FBXL7: variants seen among roughly 807,000 people sequenced by gnomAD.
FBXL7 encodes F-box and leucine rich repeat protein 7, also known as F-box/LRR-repeat protein 7.
In FBXL7, 12 loss-of-function variants were observed where a neutral mutation model predicts 38.3. The observed-to-expected ratio is 0.31, with a 90% confidence interval of 0.20 to 0.51. The LOEUF is 0.51. FBXL7 is among the 20% of genes least tolerant of loss of function. The pLI is 0.98. For missense variants in FBXL7, 567 were observed against 676.4 expected (o/e 0.84, Z 1.79); for synonymous variants, 297 against 300.9 (o/e 0.99, Z 0.13).
chr5:15,640,949 C>G (rs533395667), intron 2 of FBXL7, among the ~76,000 whole-genome samples: 1 of 152,122 alleles, frequency 6.6e-6, no homozygotes, highest in Non-Finnish European at 1.5e-5. Flanking sequence ...AAGAGGAGCC[C>G]GTGTAGCTTA....
chr5:15,629,749 A>G (rs1740938174), intron 2 of FBXL7, among the ~76,000 whole-genome samples: 2 of 152,162 alleles, frequency 1.3e-5, no homozygotes, highest in Non-Finnish European at 2.9e-5. Flanking sequence ...AGTATTTGTC[A>G]TTTAATACAC....
chr5:15,840,618 C>T (rs2126783069), intron 2 of FBXL7, among the ~76,000 whole-genome samples: 1 of 152,038 alleles, frequency 6.6e-6, no homozygotes, highest in Admixed American at 6.6e-5. Flanking sequence ...GGAGGCCGAG[C>T]CAGGTGGATC....
chr5:15,560,414 A>G (rs569895278), intron 1 of FBXL7, among the ~76,000 whole-genome samples: 31 of 152,340 alleles, frequency 2.0e-4, no homozygotes, highest in Middle Eastern at 3.4e-3. Flanking sequence ...TCCCTCAACC[A>G]CTGCAAAAAG....
At chr5:15,733,198 A>G (rs992376554) in intron 2 of FBXL7, among the ~76,000 whole-genome samples, 7 of 151,978 alleles carry the variant, frequency 4.6e-5, no homozygotes, top group African/African-American at 1.7e-4. Flanking sequence ...GGTTCAATCA[A>G]TTATCTGCCT....
chr5:15,806,262 A>G (rs1737709515), intron 2 of FBXL7, among the ~76,000 whole-genome samples: 1 of 152,188 alleles, frequency 6.6e-6, no homozygotes, highest in Non-Finnish European at 1.5e-5. Context: ...CTTGAGACTC[A>G]TTTTATTTTA....
chr5:15,865,602 A>G (rs1021198381), intron 2 of FBXL7, among the ~76,000 whole-genome samples: 57 of 151,908 alleles, frequency 3.8e-4, no homozygotes, highest in African/African-American at 1.4e-3. Context: ...ATCCCTTTAC[A>G]TCTTCACTCA....
chr5:15,796,392 C>T (rs974351513), intron 2 of FBXL7, among the ~76,000 whole-genome samples: 3 of 152,132 alleles, frequency 2.0e-5, no homozygotes, highest in Non-Finnish European at 4.4e-5. Context: ...ATGGCTGCTT[C>T]TGCACTATGA....
At chr5:15,787,297 A>G (rs1258161729) in intron 2 of FBXL7, among the ~76,000 whole-genome samples, 1 of 152,258 alleles carries the variant, frequency 6.6e-6, no homozygotes, top group African/African-American at 2.4e-5. Context: ...CAAACTGCAC[A>G]TGCTGAAGTG....
At chr5:15,648,197 G>A (rs1342110874) in intron 2 of FBXL7, among the ~76,000 whole-genome samples, 1 of 152,118 alleles carries the variant, frequency 6.6e-6, no homozygotes, top group Non-Finnish European at 1.5e-5. Flanking sequence ...CACTAATATT[G>A]AACTCATTGA....
chr5:15,644,569 C>T (rs1741471544), intron 2 of FBXL7, among the ~76,000 whole-genome samples: 1 of 152,076 alleles, frequency 6.6e-6, no homozygotes, highest in Non-Finnish European at 1.5e-5. Flanking sequence ...GGTACTTATT[C>T]ATCACTTTTG....
At chr5:15,521,218 T>C (rs544236843) in intron 1 of FBXL7, among the ~76,000 whole-genome samples, 16 of 152,212 alleles carry the variant, frequency 1.1e-4, no homozygotes, top group Non-Finnish European at 1.9e-4. Context: ...AATGAATTAG[T>C]AAATACAAAG....
At chr5:15,652,266 T>G (rs1741735626) in intron 2 of FBXL7, among the ~76,000 whole-genome samples, 1 of 152,194 alleles carries the variant, frequency 6.6e-6, no homozygotes, top group Non-Finnish European at 1.5e-5. Context: ...TTAGTTTCCT[T>G]CAAGAACTTT....
At chr5:15,903,488 A>G (rs1246307462) in intron 2 of FBXL7, among the ~76,000 whole-genome samples, 1 of 152,226 alleles carries the variant, frequency 6.6e-6, no homozygotes, top group Non-Finnish European at 1.5e-5. Context: ...AAAAACAGAG[A>G]AGGAGTAGGG....
intron 2 of FBXL7, among the ~76,000 whole-genome samples, chr5:15,772,510 G>A (rs1171477782): frequency 6.6e-6 from 1 of 152,188 alleles, no homozygotes; most frequent in Non-Finnish European, 1.5e-5. Flanking sequence ...CATTGAAATA[G>A]CAAGGCTTTG....
chr5:15,811,792 A>G (rs1481053404), intron 2 of FBXL7, among the ~76,000 whole-genome samples: 1 of 152,192 alleles, frequency 6.6e-6, no homozygotes, highest in African/African-American at 2.4e-5. Flanking sequence ...ATGAGATACC[A>G]TCTCACACCA....
chr5:15,796,219 T>G (rs1040572611), intron 2 of FBXL7, among the ~76,000 whole-genome samples: 1 of 152,162 alleles, frequency 6.6e-6, no homozygotes, highest in East Asian at 1.9e-4. Context: ...TTCCAATAAA[T>G]AGCCAACAGG....
chr5:15,824,295 C>CAAA (rs57955989), intron 2 of FBXL7, among the ~76,000 whole-genome samples: 9 of 122,892 alleles, frequency 7.3e-5, no homozygotes, highest in Admixed American at 1.8e-4. Context: ...GACTCCGTCT[C>CAAA]AAAAAAAAAA....
At chr5:15,639,157 C>G (rs1741277271) in intron 2 of FBXL7, among the ~76,000 whole-genome samples, 1 of 152,168 alleles carries the variant, frequency 6.6e-6, no homozygotes, top group African/African-American at 2.4e-5. Context: ...CTTAGGTTCC[C>G]AAATTGCATA....
At position 15,500,625 on chromosome 5, in the gene FBXL7, T is replaced by C. The variant is rs1736462290; in HGVS notation, c.-52T>C. 1 of 1,612,636 alleles carries C rather than the reference T, an allele frequency of 6.2e-7. No homozygotes were observed. Among genetic ancestry groups the C allele is most frequent in the Non-Finnish European group, 8.5e-7 (1 of 1,179,022 alleles). ...TTCCTCGGGCCGAGCGCGCAGGACG[T>C]GCGCCGCAGCTATGGAGTGTCCCGG... On this transcript the variant is annotated 5_prime_UTR_variant, in exon 1 of 4. Coordinates refer to ENST00000504595, the MANE Select transcript of FBXL7 (RefSeq NM_012304.5).
Sources: gnomAD v4.1 joint callset for allele counts (sites outside exome capture counted in the v4.1 genomes callset) on GRCh38, gnomAD v4.1.1 for gene constraint, MANE v1.5 for transcripts, NCBI Gene and HGNC (gene_info 2026-07-23, HGNC 2026-07-21) for gene names.